Variants in TENT2 observed in about 807,000 individuals in gnomAD.
TENT2 encodes poly(A) RNA polymerase GLD2.
In TENT2, 44 loss-of-function variants were observed where a neutral mutation model predicts 72.2. That is an observed-to-expected ratio of 0.61 (90% confidence interval 0.48 to 0.78). The LOEUF is 0.78. Among genes scored for constraint, TENT2 ranks in the 30% least tolerant of loss-of-function variants. The pLI is 0.00. For missense variants in TENT2, 541 were observed against 569.6 expected (o/e 0.95, Z 0.51); for synonymous variants, 212 against 192.5 (o/e 1.10, Z -0.84).
At chr5:79,656,895 A>G in intron 10 of TENT2, 63 bp from the exon 11 acceptor site, 2 of 1,259,498 alleles carry the variant, frequency 1.6e-6, no homozygotes, top group South Asian at 1.4e-5. Context: ...GTAGCTGACA[A>G]ATTATTGCAT....
intron 4 of TENT2, among the ~76,000 whole-genome samples, chr5:79,630,607 A>G (rs1291202928): frequency 1.3e-5 from 2 of 152,048 alleles, no homozygotes; most frequent in Non-Finnish European, 2.9e-5. Context: ...AGACTGCTTT[A>G]GAGAGAGGAA....
At chr5:79,634,386 G>C (rs1161038436) in intron 4 of TENT2, among the ~76,000 whole-genome samples, 2 of 151,906 alleles carry the variant, frequency 1.3e-5, no homozygotes, top group Non-Finnish European at 2.9e-5. Flanking sequence ...GCCCAGGCTA[G>C]AGTGCAGTGG....
intron 12 of TENT2, among the ~76,000 whole-genome samples, chr5:79,673,066 A>G (rs1814246383): frequency 1.3e-5 from 2 of 152,190 alleles, no homozygotes; most frequent in African/African-American, 4.8e-5. Flanking sequence ...AGCTTTGCAT[A>G]TACCTCGTTG....
intron 13 of TENT2, among the ~76,000 whole-genome samples, chr5:79,681,418 A>G (rs113902152): frequency 0.064 from 9,719 of 151,956 alleles, 413 homozygotes; most frequent in South Asian, 0.13. Flanking sequence ...TCAGGCTCCC[A>G]AAGTGCTGGG....
rs1236800876 is a variant in TENT2, at chr5:79,685,448, C to G, written c.*175C>G. On this transcript the variant is annotated 3_prime_UTR_variant, in exon 15 of 15. Coordinates refer to ENST00000453514, the MANE Select transcript of TENT2 (RefSeq NM_001114394.3). ...TTATTATGACATTTCCTAATAAACCCCTTTGATTTAAAAATGTATTTTTAA... is the reference window on the plus strand; with the variant it reads ...TTATTATGACATTTCCTAATAAACCGCTTTGATTTAAAAATGTATTTTTAA... 2 of 431,016 alleles carry G rather than the reference C, an allele frequency of 4.6e-6. No individual in the cohort carries two copies. The highest frequency in any genetic ancestry group is 4.2e-5 in the African/African-American group (2 of 48,152). The allele number at this position is 431,016 out of a possible 1,614,324, so 26.7% of individuals were successfully genotyped here. A position where few individuals can be genotyped will look rare whatever the true frequency, so the allele number is the denominator to read the frequency against.
At chr5:79,659,553 A>AGTAT (rs1311221056) in intron 11 of TENT2, among the ~76,000 whole-genome samples, 2 of 26,854 alleles carry the variant, frequency 7.4e-5, no homozygotes, top group African/African-American at 5.0e-4. Context: ...AAAAAAAAAA[A>AGTAT]ATGTATATAT....
At chr5:79,649,597 T>G (rs987786742) in intron 10 of TENT2, among the ~76,000 whole-genome samples, 4 of 152,160 alleles carry the variant, frequency 2.6e-5, no homozygotes, top group African/African-American at 9.6e-5. Flanking sequence ...TTTTAATCTC[T>G]GAGTTGCCCT....
intron 12 of TENT2, among the ~76,000 whole-genome samples, chr5:79,675,718 A>C (rs558034088): frequency 2.6e-5 from 4 of 152,196 alleles, no homozygotes; most frequent in Non-Finnish European, 5.9e-5. Flanking sequence ...AGTGATTTTA[A>C]TAACTGACCA....
intron 12 of TENT2, among the ~76,000 whole-genome samples, chr5:79,675,575 G>A (rs950004744): frequency 1.4e-4 from 22 of 152,198 alleles, no homozygotes; most frequent in African/African-American, 5.1e-4. Context: ...TGATCATTCT[G>A]TATGGTTGCA....
intron 13 of TENT2, chr5:79,681,737 C>T: frequency 2.9e-6 from 1 of 344,876 alleles, no homozygotes; most frequent in Non-Finnish European, 5.3e-6. Flanking sequence ...CTTAACACAC[C>T]TATGCTGATG....
chr5:79,622,647 C>T (rs527938950), intron 3 of TENT2, among the ~76,000 whole-genome samples: 4 of 152,248 alleles, frequency 2.6e-5, no homozygotes, highest in East Asian at 3.9e-4. Context: ...TAAAACATGT[C>T]AGCTTATTCC....
intron 7 of TENT2, among the ~76,000 whole-genome samples, chr5:79,643,755 T>C (rs1348957361): frequency 2.0e-5 from 3 of 152,168 alleles, no homozygotes; most frequent in Admixed American, 6.5e-5. Context: ...TGAATCAAAA[T>C]ATTAAAAATG....
At chr5:79,655,364 A>G (rs1434190367) in intron 10 of TENT2, among the ~76,000 whole-genome samples, 1 of 152,070 alleles carries the variant, frequency 6.6e-6, no homozygotes, top group Non-Finnish European at 1.5e-5. Context: ...AGTGGCTAGT[A>G]TTTGTTTTTG....
At chr5:79,683,313 T>TCACACACACACA (rs111701863) in intron 14 of TENT2, among the ~76,000 whole-genome samples, 1 of 145,652 alleles carries the variant, frequency 6.9e-6, no homozygotes, top group African/African-American at 2.5e-5. Context: ...ACGCACATGC[T>TCACACACACACA]CACACACACA....
At chr5:79,618,577 T>C (rs1317364650) in intron 1 of TENT2, among the ~76,000 whole-genome samples, 1 of 151,764 alleles carries the variant, frequency 6.6e-6, no homozygotes, top group Non-Finnish European at 1.5e-5. Flanking sequence ...ATATGCAATG[T>C]CTTTTCATTA....
intron 1 of TENT2, among the ~76,000 whole-genome samples, chr5:79,613,572 A>G (rs1756942045): frequency 6.6e-6 from 1 of 152,216 alleles, no homozygotes; most frequent in Non-Finnish European, 1.5e-5. Flanking sequence ...CTATTAATTT[A>G]TACTGATTAA....
At chr5:79,619,870 A>G in intron 2 of TENT2, 85 bp downstream of exon 2, 2 of 1,516,768 alleles carry the variant, frequency 1.3e-6, no homozygotes, top group Non-Finnish European at 8.9e-7. Context: ...AAACTTTTGA[A>G]CATGGAGAAT....
chr5:79,672,320 C>G (rs1173967141), intron 12 of TENT2, among the ~76,000 whole-genome samples: 1 of 152,028 alleles, frequency 6.6e-6, no homozygotes, highest in East Asian at 1.9e-4. Flanking sequence ...ACAAACAATC[C>G]AGTTATCCTG....
At chr5:79,650,616 GGGCT>G (rs1260037235) in intron 10 of TENT2, among the ~76,000 whole-genome samples, 1 of 152,064 alleles carries the variant, frequency 6.6e-6, no homozygotes, top group Non-Finnish European at 1.5e-5. Context: ...ACAGCAGCTT[GGGCT>G]TGGAAAGTTG....
Sources: gnomAD v4.1 joint callset for allele counts (sites outside exome capture counted in the v4.1 genomes callset) on GRCh38, gnomAD v4.1.1 for gene constraint, MANE v1.5 for transcripts, NCBI Gene and HGNC (gene_info 2026-07-23, HGNC 2026-07-21) for gene names.